JMY: variants seen among roughly 807,000 people sequenced by gnomAD.
The protein encoded by JMY is junction mediating and regulatory protein, p53 cofactor.
JMY carries 46 observed loss-of-function variants against 103.3 expected under a neutral mutation model. That is an observed-to-expected ratio of 0.45 (90% CI 0.35 to 0.57). The LOEUF (loss-of-function observed/expected upper bound fraction) is 0.57, where lower values mean the gene tolerates loss of function less well. Among genes scored for constraint, JMY ranks in the 20% least tolerant of loss-of-function variants. The pLI is 0.00. For missense variants in JMY, 1,238 were observed against 1,255.2 expected (o/e 0.99, Z 0.21); for synonymous variants, 526 against 489.3 (o/e 1.07, Z -0.99).
At chr5:79,300,570 T>C (rs1580364534) in intron 5 of JMY, 106 bp from the exon 6 acceptor site, 1 of 869,726 alleles carries the variant, frequency 1.1e-6, no homozygotes, top group African/African-American at 1.7e-5. Context: ...TAAGAGATAA[T>C]GGCTTTGCCT....
chr5:79,253,944 C>CT (rs562468793), intron 1 of JMY, among the ~76,000 whole-genome samples: 3,151 of 131,456 alleles, frequency 0.024, 81 homozygotes, highest in African/African-American at 0.07. Context: ...TGGTAGATGA[C>CT]TTTTTTTTTT....
Position 79,327,162 on chromosome 5 carries a change from T to G in JMY, c.*5560T>G, listed in dbSNP as rs1747677571. On this transcript the variant is annotated 3_prime_UTR_variant, in exon 11 of 11. Transcript: ENST00000396137. ...TGTAACAACCTACAGTTTTGGTGCTTTTAACAATATTCCTCTTTTTCTTTA... is the reference window on the plus strand; with the variant it reads ...TGTAACAACCTACAGTTTTGGTGCTGTTAACAATATTCCTCTTTTTCTTTA... The G allele has an allele frequency of 6.6e-6, 1 of 151,776 alleles. No individual in the cohort carries two copies. The highest frequency in any genetic ancestry group is 1.5e-5 in the Non-Finnish European group (1 of 68,010). 9.4% of individuals were successfully genotyped at this position (151,776 alleles called of 1,614,324 possible). A position where few individuals can be genotyped will look rare whatever the true frequency, so the allele number is the denominator to read the frequency against.
At chr5:79,300,083 A>C in intron 4 of JMY, 70 bp from the exon 5 acceptor site, 1 of 1,336,084 alleles carries the variant, frequency 7.5e-7, no homozygotes, top group East Asian at 2.3e-5. Context: ...ATTAGTATTA[A>C]TTTTTAATAC....
rs762638707 is a variant in JMY, at chr5:79,248,454, G to A, written c.1032+10772G>A. Among the ~76,000 whole-genome samples the A allele has an allele frequency of 5.3e-5, 8 of 151,284 alleles. No individual in the cohort carries two copies. In the East Asian group the frequency reaches 1.6e-3, roughly 30 times the overall value. On this transcript the variant is annotated intron_variant, in intron 1 of 10. Coordinates refer to ENST00000396137, the MANE Select transcript of JMY (RefSeq NM_152405.5). ...CCCAAGTAGCTGGGGTTACAGGTGC[G>A]TGCTACCACACCCAGCTAAGTTTTT...
intron 1 of JMY, among the ~76,000 whole-genome samples, chr5:79,268,355 ATCC>A (rs1745644405): frequency 6.6e-6 from 1 of 152,074 alleles, no homozygotes; most frequent in African/African-American, 2.4e-5. Context: ...GTTGTTCCGC[ATCC>A]TCTAGCATTT....
At chr5:79,252,442 T>C (rs928382621) in intron 1 of JMY, among the ~76,000 whole-genome samples, 13 of 152,046 alleles carry the variant, frequency 8.6e-5, no homozygotes, top group African/African-American at 3.1e-4. Flanking sequence ...ATTCTGTATC[T>C]GTTGGATGAA....
At position 79,319,262 on chromosome 5, in the gene JMY, T is replaced by G. The variant is rs187604315; in HGVS notation, c.*4-2344T>G. Among the ~76,000 whole-genome samples the G allele has an allele frequency of 2.1e-3, 318 of 152,344 alleles. 1 individual carries two copies. Among genetic ancestry groups the G allele is most frequent in the African/African-American group, 7.3e-3 (304 of 41,590 alleles). ...ATGGTGTATACACTTTGAAAATTGC[T>G]TAAAACTTTTTTCGGGGGTGTGGGA... On this transcript the variant is annotated intron_variant, in intron 10 of 10. Coordinates refer to ENST00000396137, the MANE Select transcript of JMY (RefSeq NM_152405.5).
intron 2 of JMY, chr5:79,284,409 T>A (rs906963880): frequency 2.1e-5 from 30 of 1,427,076 alleles, no homozygotes; most frequent in Admixed American, 1.0e-4. Context: ...TCTCGGGTCA[T>A]GATTTCCATC....
intron 1 of JMY, among the ~76,000 whole-genome samples, chr5:79,248,991 G>T (rs1207126444): frequency 6.6e-6 from 1 of 152,146 alleles, no homozygotes; most frequent in Non-Finnish European, 1.5e-5. Context: ...TCAAACTCCT[G>T]AGTTCAACTT....
chr5:79,314,356 G>C lies in JMY; in HGVS notation c.2164G>C (p.Asp722His). Residue 722 changes from aspartate (D) to histidine (H), a missense_variant, in exon 9 of 11, where the codon GAC becomes CAC. By Grantham distance (81) the Asp-to-His change is moderately conservative. Transcript: ENST00000396137. ...TCCTGTTCTCCAAGAGGATCATTGT[G>C]ACTCTTTACCAAGTGTGTTACAGGT... ...ASPVLQEDHC[D>H]SLPSVLQVEE... is the part of the protein sequence containing the mutation. The C allele has an allele frequency of 1.2e-6, 2 of 1,614,160 alleles. No individual in the cohort carries two copies. Among genetic ancestry groups the C allele is most frequent in the Middle Eastern group, 1.6e-4 (1 of 6,062 alleles).
intron 1 of JMY, 26 bp downstream of exon 1, chr5:79,237,708 G>C: frequency 6.3e-7 from 1 of 1,585,338 alleles, no homozygotes; most frequent in Non-Finnish European, 8.6e-7. Flanking sequence ...CCTAGTCTGG[G>C]CTCTACTGGT....
At chr5:79,238,375 G>C (rs749821271) in intron 1 of JMY, among the ~76,000 whole-genome samples, 1 of 151,888 alleles carries the variant, frequency 6.6e-6, no homozygotes, top group South Asian at 2.1e-4. Context: ...AAGTACAAAA[G>C]CCTTTTCAAA....
At chr5:79,241,335 A>T (rs1359024980) in intron 1 of JMY, among the ~76,000 whole-genome samples, 6 of 152,246 alleles carry the variant, frequency 3.9e-5, no homozygotes, top group Non-Finnish European at 8.8e-5. Context: ...AGAAGTTTTT[A>T]AAATTAATTT....
chr5:79,259,576 G>A lies in JMY; in HGVS notation c.1033-18334G>A, dbSNP rs577328031. 5.3e-5 allele frequency among the ~76,000 whole-genome samples: 8 copies of A among 152,320 alleles called. No homozygotes were observed. In the South Asian group the frequency reaches 8.3e-4, roughly 16 times the overall value. ...TGTTTGTGCCAAGGAGTGTCTGTGG[G>A]CCAGCGCTGAGCTGCCCTCAGCACC... is the stretch of plus-strand genomic sequence containing the variant. On this transcript the variant is annotated intron_variant, in intron 1 of 10. Transcript: ENST00000396137.
chr5:79,274,141 T>C (rs1166021639), intron 1 of JMY, among the ~76,000 whole-genome samples: 1 of 151,928 alleles, frequency 6.6e-6, no homozygotes, highest in East Asian at 1.9e-4. Flanking sequence ...TTCTTTTTTT[T>C]CTATAAGATT....
At chr5:79,261,722 G>A (rs1278863325) in intron 1 of JMY, among the ~76,000 whole-genome samples, 4 of 152,088 alleles carry the variant, frequency 2.6e-5, no homozygotes, top group Admixed American at 6.6e-5. Context: ...CCTGTCTCCC[G>A]GGCATATTTC....
In JMY at chr5:79,260,993, G is replaced by T. The variant is rs573083418; in HGVS notation, c.1033-16917G>T. Among the ~76,000 whole-genome samples the T allele has an allele frequency of 3.3e-5, 5 of 152,052 alleles. No homozygotes were observed. In the South Asian group the frequency reaches 1.0e-3, roughly 32 times the overall value. On this transcript the variant is annotated intron_variant, in intron 1 of 10. Coordinates refer to ENST00000396137, the MANE Select transcript of JMY (RefSeq NM_152405.5). The stretch of plus-strand genomic sequence containing the variant: ...TCACTCCCTTTCACAGTAATTATTT[G>T]CATGTTTTAATAATTAATGGTAAAG...
At chr5:79,269,003 A>G (rs925830623) in intron 1 of JMY, among the ~76,000 whole-genome samples, 1 of 152,160 alleles carries the variant, frequency 6.6e-6, no homozygotes. Flanking sequence ...CAGAAGTTAA[A>G]TGAAGTCCCA....
chr5:79,322,682 G>A lies in JMY; in HGVS notation c.*1080G>A, dbSNP rs968424160. On this transcript the variant is annotated 3_prime_UTR_variant, in exon 11 of 11. Coordinates refer to ENST00000396137, the MANE Select transcript of JMY (RefSeq NM_152405.5). ...CACTAAAATTTTAAACTTATACACA[G>A]CTTTAGGTGCTGATTTTGGCTGTGA... 1 of 152,164 alleles carries A rather than the reference G, an allele frequency of 6.6e-6. No individual in the cohort carries two copies. Among genetic ancestry groups the A allele is most frequent in the African/African-American group, 2.4e-5 (1 of 41,432 alleles). 9.4% of individuals were successfully genotyped at this position (152,164 alleles called of 1,614,324 possible). A position where few individuals can be genotyped will look rare whatever the true frequency, so the allele number is the denominator to read the frequency against.
Sources: gnomAD v4.1 joint callset for allele counts (sites outside exome capture counted in the v4.1 genomes callset) on GRCh38, gnomAD v4.1.1 for gene constraint, MANE v1.5 for transcripts, NCBI Gene and HGNC (gene_info 2026-07-23, HGNC 2026-07-21) for gene names.